Variants in GALNT17 observed in about 807,000 individuals in gnomAD.
GALNT17 encodes the protein polypeptide N-acetylgalactosaminyltransferase 17.
A neutral mutation model predicts 63.7 loss-of-function variants in GALNT17; 29 were observed. The ratio of observed to expected loss-of-function variants is 0.46; its 90% CI spans 0.34 to 0.62. GALNT17 has a LOEUF of 0.62. GALNT17 is among the 20% of genes least tolerant of loss of function. The pLI, the probability that GALNT17 is intolerant of heterozygous loss-of-function variation, is 0.01. For missense variants in GALNT17, 603 were observed against 799.6 expected (o/e 0.75, Z 2.97); for synonymous variants, 305 against 318.3 (o/e 0.96, Z 0.45).
intron 1 of GALNT17, among the ~76,000 whole-genome samples, chr7:71,321,922 C>CCTTCCCCTCCCT (rs1563001220): frequency 7.0e-5 from 2 of 28,436 alleles, no homozygotes; most frequent in Non-Finnish European, 1.3e-4. Context: ...TTCCTTCCTT[C>CCTTCCCCTCCCT]CCCTCCCTCC....
chr7:71,428,132 G>C (rs953509286), intron 5 of GALNT17, among the ~76,000 whole-genome samples: 12 of 152,188 alleles, frequency 7.9e-5, no homozygotes, highest in African/African-American at 2.9e-4. Context: ...ATTGTAAAGT[G>C]TGAAGTTCAG....
intron 1 of GALNT17, among the ~76,000 whole-genome samples, chr7:71,278,959 C>G (rs1790732089): frequency 6.6e-6 from 1 of 151,090 alleles, no homozygotes; most frequent in African/African-American, 2.4e-5. Context: ...TGGAGTCTCG[C>G]TATGTCGCCA....
intron 1 of GALNT17, among the ~76,000 whole-genome samples, chr7:71,172,221 T>C (rs759550188): frequency 3.9e-5 from 6 of 152,082 alleles, no homozygotes; most frequent in Non-Finnish European, 8.8e-5. Context: ...ATCCCAGCAC[T>C]TTGAGAGGCC....
chr7:71,585,890 G>A (rs1015909915), intron 6 of GALNT17, among the ~76,000 whole-genome samples: 6 of 138,256 alleles, frequency 4.3e-5, no homozygotes, highest in African/African-American at 7.9e-5. Flanking sequence ...CACACTTCCC[G>A]CCCCAGCAAG....
intron 1 of GALNT17, among the ~76,000 whole-genome samples, chr7:71,207,299 C>T (rs553110222): frequency 3.7e-4 from 57 of 152,258 alleles, no homozygotes; most frequent in African/African-American, 1.3e-3. Flanking sequence ...TAAGTTTAAA[C>T]CATGTCCCTT....
intron 9 of GALNT17, among the ~76,000 whole-genome samples, chr7:71,692,388 A>G (rs147811520): frequency 4.1e-4 from 63 of 152,150 alleles, no homozygotes; most frequent in African/African-American, 1.1e-3. Flanking sequence ...GGCTGTCTTT[A>G]TATCACTGAA....
chr7:71,604,027 T>C (rs1358650599), intron 6 of GALNT17, among the ~76,000 whole-genome samples: 12 of 149,488 alleles, frequency 8.0e-5, no homozygotes, highest in African/African-American at 3.0e-4. Flanking sequence ...TAAGTGCACA[T>C]ACCAGGTCCT....
intron 5 of GALNT17, among the ~76,000 whole-genome samples, chr7:71,480,383 G>T (rs1324661275): frequency 6.6e-6 from 1 of 151,868 alleles, no homozygotes; most frequent in East Asian, 1.9e-4. Context: ...CCTGGGCAGG[G>T]TCTCTGCAGT....
chr7:71,643,338 T>G (rs1790630168), intron 6 of GALNT17, among the ~76,000 whole-genome samples: 1 of 151,940 alleles, frequency 6.6e-6, no homozygotes, highest in African/African-American at 2.4e-5. Context: ...CGTGGTGGCG[T>G]GTGCCTGTAA....
At chr7:71,220,885 C>G (rs575166661) in intron 1 of GALNT17, among the ~76,000 whole-genome samples, 13 of 152,274 alleles carry the variant, frequency 8.5e-5, no homozygotes, top group East Asian at 1.9e-4. Context: ...AATACACCCC[C>G]CTCTGTATTA....
intron 6 of GALNT17, among the ~76,000 whole-genome samples, chr7:71,600,475 T>C (rs940820): frequency 1 from 151,644 of 152,188 alleles, 75,552 homozygotes; most frequent in East Asian, 1. Flanking sequence ...ACTGTAATCA[T>C]TCCCCACGTG....
At chr7:71,176,703 G>A (rs979899741) in intron 1 of GALNT17, among the ~76,000 whole-genome samples, 2 of 152,142 alleles carry the variant, frequency 1.3e-5, no homozygotes, top group African/African-American at 4.8e-5. Flanking sequence ...GGTCCCTATA[G>A]GAGGCTGTTG....
chr7:71,140,591 G>A (rs772514930), intron 1 of GALNT17, among the ~76,000 whole-genome samples: 2 of 152,174 alleles, frequency 1.3e-5, no homozygotes, highest in East Asian at 1.9e-4. Context: ...AATCTGGAGC[G>A]TCCTTTGTGG....
chr7:71,178,487 C>T (rs1788678861), intron 1 of GALNT17, among the ~76,000 whole-genome samples: 1 of 152,068 alleles, frequency 6.6e-6, no homozygotes, highest in Non-Finnish European at 1.5e-5. Context: ...CTGCCTTATT[C>T]TCTCTCTCCT....
intron 5 of GALNT17, among the ~76,000 whole-genome samples, chr7:71,541,819 C>A (rs558035025): frequency 6.6e-6 from 1 of 152,284 alleles, no homozygotes; most frequent in South Asian, 2.1e-4. Context: ...AAAGGACAAC[C>A]TCATTGTAAA....
chr7:71,140,057 G>A (rs1210612374), intron 1 of GALNT17, among the ~76,000 whole-genome samples: 1 of 152,146 alleles, frequency 6.6e-6, no homozygotes, highest in Admixed American at 6.5e-5. Context: ...CATTTGGAAA[G>A]CATCTCCGTT....
At chr7:71,544,040 G>A (rs920057735) in intron 5 of GALNT17, among the ~76,000 whole-genome samples, 1 of 151,292 alleles carries the variant, frequency 6.6e-6, no homozygotes, top group Non-Finnish European at 1.5e-5. Context: ...TGTTCCACCC[G>A]CCTCAGCCCC....
At chr7:71,213,570 C>T (rs1239798645) in intron 1 of GALNT17, among the ~76,000 whole-genome samples, 5 of 152,050 alleles carry the variant, frequency 3.3e-5, no homozygotes, top group South Asian at 2.1e-4. Context: ...GTAACCCAGC[C>T]GTTTTTACTT....
chr7:71,209,910 ATATTTATTTATT>A lies in GALNT17; in HGVS notation c.238+76888_238+76899del, dbSNP rs146339555. Among the ~76,000 whole-genome samples, 1,429 of 151,648 alleles carry A rather than the reference ATATTTATTTATT, an allele frequency of 9.4e-3. 21 individuals carry two copies. Among genetic ancestry groups the A allele is most frequent in the African/African-American group, 0.033 (1,364 of 41,190 alleles). On this transcript the variant is annotated intron_variant, in intron 1 of 10. Transcript: ENST00000333538. ...CCTGATCAACCCATCAGATGTTGTG[ATATTTATTTATT>A]TATTTATTTATTTATTTTGGGACAG... is the stretch of plus-strand genomic sequence containing the variant.
Sources: gnomAD v4.1 joint callset for allele counts (sites outside exome capture counted in the v4.1 genomes callset) on GRCh38, gnomAD v4.1.1 for gene constraint, MANE v1.5 for transcripts, NCBI Gene and HGNC (gene_info 2026-07-23, HGNC 2026-07-21) for gene names.